Variants in CFAP298 observed in about 807,000 individuals in gnomAD.
CFAP298 encodes cilia- and flagella-associated protein 298.
CFAP298 carries 38 observed loss-of-function variants against 41.0 expected under a neutral mutation model. The observed-to-expected ratio is 0.93, with a 90% CI of 0.72 to 1.22. CFAP298 has a LOEUF of 1.22. CFAP298 is among the 50% of genes most tolerant of loss of function. The pLI is 0.00. For missense variants in CFAP298, 348 were observed against 360.3 expected (o/e 0.97, Z 0.28); for synonymous variants, 137 against 135.3 (o/e 1.01, Z -0.09).
chr21:32,602,582 G>A (rs1018475106), intron 5 of CFAP298: 10 of 1,379,562 alleles, frequency 7.2e-6, no homozygotes, highest in South Asian at 1.7e-5. Flanking sequence ...GAGGCTGCAC[G>A]ATACCATCTC....
chr21:32,611,203 C>G (rs1289488735), intron 1 of CFAP298, among the ~76,000 whole-genome samples: 1 of 150,856 alleles, frequency 6.6e-6, no homozygotes, highest in Non-Finnish European at 1.5e-5. Context: ...ACTTGGGAGG[C>G]TGAGGCAGGA....
chr21:32,610,996 G>A (rs2038978627), intron 1 of CFAP298, among the ~76,000 whole-genome samples: 3 of 151,990 alleles, frequency 2.0e-5, no homozygotes. Flanking sequence ...TCCACTTGGC[G>A]ATTTAAATTT....
Position 32,602,267 on chromosome 21 carries a change from G to A in CFAP298, c.762+5C>T, listed in dbSNP as rs2094318118. 1.2e-6 allele frequency: 2 copies of A among 1,613,680 alleles called. No homozygotes were observed. The highest frequency in any genetic ancestry group is 1.6e-4 in the Middle Eastern group (1 of 6,062). On this transcript the variant is annotated splice_donor_5th_base_variant and intron_variant, in intron 6 of 6. Coordinates refer to ENST00000290155, the MANE Select transcript of CFAP298 (RefSeq NM_021254.4). The stretch of plus-strand genomic sequence containing the variant: ...ACTGCAGAAAGCCCATCTGTCCCCT[G>A]CTACCTTGAGCTCCTCTTGTCTTCT...
Position 32,610,157 on chromosome 21 carries a change from G to A in CFAP298, c.140-152C>T, listed in dbSNP as rs1029086620. 8 of 693,442 alleles carry A rather than the reference G, an allele frequency of 1.2e-5. No homozygotes were observed. The Admixed American group carries it at 1.4e-4, about 13-fold the overall frequency. The allele number at this position is 693,442 out of a possible 1,614,324, so 43.0% of individuals were successfully genotyped here. On this transcript the variant is annotated intron_variant, in intron 1 of 6. Coordinates refer to ENST00000290155, the MANE Select transcript of CFAP298 (RefSeq NM_021254.4). ...ACTTGCTATGTGCCAGACCTGGCCT[G>A]GGCCTTTGACACGGGGGCATGGTAC...
chr21:32,605,900 A>C (rs1181889861), intron 3 of CFAP298, among the ~76,000 whole-genome samples: 2 of 152,178 alleles, frequency 1.3e-5, no homozygotes, highest in African/African-American at 4.8e-5. Flanking sequence ...CAGGACCCCC[A>C]GTGGGCATCA....
At chr21:32,609,745 A>T in intron 2 of CFAP298, 93 bp downstream of exon 2, 2 of 1,177,856 alleles carry the variant, frequency 1.7e-6, no homozygotes, top group Non-Finnish European at 2.4e-6. Context: ...AGCCTGGGCT[A>T]GAGCAAGAAT....
intron 1 of CFAP298, among the ~76,000 whole-genome samples, chr21:32,611,738 T>G (rs1343294820): frequency 6.6e-6 from 1 of 152,178 alleles, no homozygotes; most frequent in African/African-American, 2.4e-5. Context: ...TAAATTCAGC[T>G]TTTAAAAGCC....
At chr21:32,608,530 A>T (rs2038918825) in intron 2 of CFAP298, among the ~76,000 whole-genome samples, 1 of 151,904 alleles carries the variant, frequency 6.6e-6, no homozygotes, top group Admixed American at 6.6e-5. Context: ...GGTAGCAGGC[A>T]TGTGTAATCC....
intron 1 of CFAP298, among the ~76,000 whole-genome samples, chr21:32,611,370 AATTT>A (rs1232497560): frequency 4.2e-5 from 6 of 143,402 alleles, no homozygotes; most frequent in South Asian, 2.1e-4. Context: ...ACATATATAT[AATTT>A]ATTTATATTC....
intron 2 of CFAP298, among the ~76,000 whole-genome samples, chr21:32,608,224 CAAAA>C (rs751998741): frequency 1.1e-5 from 1 of 93,946 alleles, no homozygotes. Flanking sequence ...GCTTAGAAGC[CAAAA>C]AAAAAAAAAA....
intron 2 of CFAP298, among the ~76,000 whole-genome samples, chr21:32,608,996 TA>T (rs2038930404): frequency 6.6e-6 from 1 of 152,216 alleles, no homozygotes; most frequent in Non-Finnish European, 1.5e-5. Flanking sequence ...AAGAATAAGC[TA>T]TCAAAAAGGA....
chr21:32,611,725 T>C (rs1340802548), intron 1 of CFAP298, among the ~76,000 whole-genome samples: 3 of 152,080 alleles, frequency 2.0e-5, no homozygotes, highest in Non-Finnish European at 2.9e-5. Flanking sequence ...CGACTAAAAA[T>C]AGTAAATTCA....
chr21:32,611,980 C>T (rs1291465135), intron 1 of CFAP298, 125 bp downstream of exon 1: 1 of 1,189,656 alleles, frequency 8.4e-7, no homozygotes, highest in Non-Finnish European at 1.1e-6. Context: ...CCGTTTCAAC[C>T]CCGGCTGCTG....
intron 5 of CFAP298, 190 bp downstream of exon 5, chr21:32,602,971 G>T: frequency 2.0e-6 from 2 of 1,009,524 alleles, no homozygotes; most frequent in Non-Finnish European, 2.9e-6. Flanking sequence ...TCTAGATATT[G>T]GTACTCAATC....
chr21:32,605,151 C>T (rs2038840292), intron 3 of CFAP298, among the ~76,000 whole-genome samples: 1 of 152,178 alleles, frequency 6.6e-6, no homozygotes, highest in Non-Finnish European at 1.5e-5. Flanking sequence ...TGCACTCCAG[C>T]TTGGGCAACA....
At chr21:32,602,224 C>T (rs373822170) in intron 6 of CFAP298, 48 bp downstream of exon 6, 6 of 1,555,306 alleles carry the variant, frequency 3.9e-6, no homozygotes, top group Non-Finnish European at 5.3e-6. Flanking sequence ...GGCACACAGG[C>T]TATGTGTGGG....
Position 32,604,261 on chromosome 21 carries a change from C to A in CFAP298, c.398G>T (p.Cys133Phe), listed in dbSNP as rs1242757147. ...ATCTTTCACCATCTCCATGGTAACA[C>A]AGACACCGGCTTCCACTTGTTTCTG... The part of the protein sequence containing the change: ...ISKKQVEAGV[C>F]VTMEMVKDAL... The change falls in exon 4 of 7, where the codon TGT becomes TTT. Residue 133 changes from cysteine (C) to phenylalanine (F), a missense_variant. Transcript: ENST00000290155. The A allele has an allele frequency of 1.2e-6, 2 of 1,614,150 alleles. No individual in the cohort carries two copies. The highest frequency in any genetic ancestry group is 1.7e-5 in the Admixed American group (1 of 60,022).
intron 6 of CFAP298, 122 bp from the exon 7 acceptor site, chr21:32,602,095 G>A: frequency 1.2e-6 from 1 of 855,256 alleles, no homozygotes; most frequent in East Asian, 2.5e-5. Flanking sequence ...GCAGGATACT[G>A]CCATGTCTAA....
At chr21:32,605,350 C>T (rs2146557372) in intron 3 of CFAP298, among the ~76,000 whole-genome samples, 1 of 152,302 alleles carries the variant, frequency 6.6e-6, no homozygotes, top group East Asian at 1.9e-4. Context: ...TTATTTATAA[C>T]GAGCCCCTTC....
Sources: gnomAD v4.1 joint callset for allele counts (sites outside exome capture counted in the v4.1 genomes callset) on GRCh38, gnomAD v4.1.1 for gene constraint, MANE v1.5 for transcripts, NCBI Gene and HGNC (gene_info 2026-07-23, HGNC 2026-07-21) for gene names.